The following LAMA1 variants were observed in gnomAD, a reference collection of about 807,000 sequenced individuals.
LAMA1 encodes the protein laminin subunit alpha-1.
LAMA1 carries 219 observed loss-of-function variants against 348.7 expected under a neutral mutation model. The ratio of observed to expected loss-of-function variants is 0.63; its 90% CI spans 0.56 to 0.70. The LOEUF is 0.70. LAMA1 is among the 30% of genes least tolerant of loss of function. The pLI, the probability that LAMA1 is intolerant of heterozygous loss-of-function variation, is 0.00. For synonymous variants in LAMA1, 1,487 were observed against 1,491.0 expected (o/e 1.00, Z 0.06); for missense variants, 3,744 against 3,888.0 (o/e 0.96, Z 0.99).
chr18:7,041,925 T>C (rs989348628), intron 9 of LAMA1, among the ~76,000 whole-genome samples: 2 of 152,222 alleles, frequency 1.3e-5, no homozygotes, highest in South Asian at 2.1e-4. Context: ...CCTGTTTGTT[T>C]AGTGTTTTTG....
rs753100654 is a variant in LAMA1, at chr18:7,002,342, G to GTACA, written c.4300_4303dup (p.Thr1435MetfsTer15). 4 of 1,613,826 alleles carry GTACA rather than the reference G, an allele frequency of 2.5e-6. No individual in the cohort carries two copies. The South Asian group carries it at 4.4e-5, about 18-fold the overall frequency. On this transcript the variant is annotated frameshift_variant, in exon 30 of 63. Coordinates refer to ENST00000389658, the MANE Select transcript of LAMA1 (RefSeq NM_005559.4). LOFTEE classifies it high-confidence loss of function. ...AGTCACCTTCCCGTAGTAGCCAGAAGTACACACATCACAATGGTCACCTGC... is the reference window on the plus strand; with the variant it reads ...AGTCACCTTCCCGTAGTAGCCAGAAGTACATACACACATCACAATGGTCACCTGC...
intron 48 of LAMA1, among the ~76,000 whole-genome samples, chr18:6,968,746 T>G (rs905954546): frequency 3.3e-5 from 5 of 152,214 alleles, no homozygotes; most frequent in Non-Finnish European, 7.3e-5. Context: ...AGTGACCCCA[T>G]GTACAAGTGT....
intron 9 of LAMA1, among the ~76,000 whole-genome samples, chr18:7,040,793 A>G (rs2058017117): frequency 1.3e-5 from 2 of 152,232 alleles, no homozygotes; most frequent in African/African-American, 4.8e-5. Flanking sequence ...TGTCCATACT[A>G]TGAAATATTA....
chr18:7,093,255 A>C (rs2058247044), intron 1 of LAMA1, among the ~76,000 whole-genome samples: 1 of 152,168 alleles, frequency 6.6e-6, no homozygotes, highest in Non-Finnish European at 1.5e-5. Context: ...TCTCTACTAA[A>C]AATATAAAAA....
At chr18:7,075,671 C>T (rs559272579) in intron 3 of LAMA1, among the ~76,000 whole-genome samples, 59 of 152,082 alleles carry the variant, frequency 3.9e-4, no homozygotes, top group African/African-American at 1.3e-3. Flanking sequence ...GGCGCGGTGG[C>T]TTACGCCGGT....
intron 3 of LAMA1, among the ~76,000 whole-genome samples, chr18:7,074,008 G>T (rs1252318845): frequency 1.3e-5 from 2 of 151,594 alleles, no homozygotes; most frequent in Non-Finnish European, 2.9e-5. Flanking sequence ...CTAATTTTTT[G>T]TATTTTAGTA....
At chr18:7,019,424 A>G (rs112256354) in intron 19 of LAMA1, among the ~76,000 whole-genome samples, 16 of 152,198 alleles carry the variant, frequency 1.1e-4, no homozygotes, top group African/African-American at 3.9e-4. Flanking sequence ...TTAAAGTTCA[A>G]TGCAAGTATG....
At chr18:7,072,552 T>C (rs1228402391) in intron 3 of LAMA1, among the ~76,000 whole-genome samples, 1 of 152,192 alleles carries the variant, frequency 6.6e-6, no homozygotes, top group Non-Finnish European at 1.5e-5. Context: ...GAATACCTAG[T>C]TTGTAATGTA....
At chr18:6,990,719 C>T (rs1383859191) in intron 36 of LAMA1, among the ~76,000 whole-genome samples, 2 of 152,122 alleles carry the variant, frequency 1.3e-5, no homozygotes, top group African/African-American at 2.4e-5. Context: ...CTCGTTTCCC[C>T]GCCCCTGAAA....
chr18:7,060,478 G>A (rs181780091), intron 3 of LAMA1, among the ~76,000 whole-genome samples: 44 of 152,144 alleles, frequency 2.9e-4, no homozygotes, highest in Admixed American at 2.7e-3. Flanking sequence ...TAGGGGAGGA[G>A]GGACAGGCTG....
At chr18:6,977,405 G>A (rs571096496) in intron 44 of LAMA1, among the ~76,000 whole-genome samples, 9 of 152,342 alleles carry the variant, frequency 5.9e-5, no homozygotes, top group Non-Finnish European at 1.2e-4. Flanking sequence ...ATGTTAACAC[G>A]TAGATTTGAC....
chr18:6,970,798 A>C (rs1191274350), intron 48 of LAMA1, among the ~76,000 whole-genome samples: 2 of 152,160 alleles, frequency 1.3e-5, no homozygotes, highest in Non-Finnish European at 2.9e-5. Flanking sequence ...TTTTTAATAG[A>C]GACGGAGTTT....
At chr18:6,972,613 A>G (rs910051207) in intron 47 of LAMA1, among the ~76,000 whole-genome samples, 22 of 152,244 alleles carry the variant, frequency 1.4e-4, no homozygotes, top group African/African-American at 5.1e-4. Flanking sequence ...TCTGCAGAGG[A>G]ACTGTCAGAA....
At chr18:7,087,081 C>T (rs567523087) in intron 1 of LAMA1, among the ~76,000 whole-genome samples, 9 of 152,158 alleles carry the variant, frequency 5.9e-5, no homozygotes, top group African/African-American at 1.9e-4. Context: ...CTTTGTGCGT[C>T]GGACTGAAGT....
At chr18:7,033,140 C>T in intron 14 of LAMA1, 45 bp from the exon 15 acceptor site, 1 of 1,295,588 alleles carries the variant, frequency 7.7e-7, no homozygotes, top group East Asian at 2.5e-5. Flanking sequence ...CTCGCAAATA[C>T]ATCTCACATC....
rs2057873320 is a variant in LAMA1 at position 7,013,954 on chromosome 18, T to C, written c.3224A>G (p.Asp1075Gly). The C allele has an allele frequency of 6.2e-7, 1 of 1,613,954 alleles. No homozygotes were observed. The highest frequency in any genetic ancestry group is 8.5e-7 in the Non-Finnish European group (1 of 1,179,918). Residue 1075 changes from aspartate to glycine, a missense_variant, in exon 23 of 63, where the codon GAT becomes GGT. Transcript: ENST00000389658. The part of the protein sequence containing the change: ...CKSKFGGRAC[D>G]QCSLGYRDFP... Reference sequence around the variant, plus strand: ...GTCTCTGTAACCCAAGGAACACTGATCGCAGGCCCGGCCACCAAATTTTGA... The same window carrying C: ...GTCTCTGTAACCCAAGGAACACTGACCGCAGGCCCGGCCACCAAATTTTGA...
rs570877485 is a variant in LAMA1 at position 6,976,212 on chromosome 18, T to C, written c.6346-132A>G. On this transcript the variant is annotated intron_variant, in intron 44 of 62. Transcript: ENST00000389658. ...TCCTCTCTTGATAACATACAATGGT[T>C]CATGTTTCATGAAGTGACATATCAG... 5 of 825,730 alleles carry C rather than the reference T, an allele frequency of 6.1e-6. No individual in the cohort carries two copies. In the East Asian group the frequency reaches 1.0e-4, roughly 17 times the overall value. 51.2% of individuals were successfully genotyped at this position (825,730 alleles called of 1,614,324 possible). A position where few individuals can be genotyped will look rare whatever the true frequency, so the allele number is the denominator to read the frequency against.
chr18:7,011,599 GT>G, intron 24 of LAMA1, 120 bp from the exon 25 acceptor site: 2 of 1,036,558 alleles, frequency 1.9e-6, no homozygotes, highest in East Asian at 5.2e-5. Flanking sequence ...AACAGAAACA[GT>G]AAAGACTTTT....
At chr18:7,079,549 T>C (rs1415813072) in intron 3 of LAMA1, 7 of 252,326 alleles carry the variant, frequency 2.8e-5, no homozygotes, top group Admixed American at 5.2e-5. Context: ...CGTTTTGTCT[T>C]TTTTTCTTCT....
Sources: gnomAD v4.1 joint callset for allele counts (sites outside exome capture counted in the v4.1 genomes callset) on GRCh38, gnomAD v4.1.1 for gene constraint, MANE v1.5 for transcripts, NCBI Gene and HGNC (gene_info 2026-07-23, HGNC 2026-07-21) for gene names.